Variants in ZNF423 observed in about 807,000 individuals in gnomAD.
ZNF423 encodes zinc finger protein 423.
A neutral mutation model predicts 95.8 loss-of-function variants in ZNF423; 12 were observed. The observed-to-expected ratio is 0.13, with a 90% confidence interval of 0.08 to 0.20. ZNF423 has a LOEUF of 0.20. ZNF423 is among the 10% of genes least tolerant of loss of function. The probability of loss-of-function intolerance (pLI) is 1.00; values close to 1 mark genes in which losing one functional copy is unlikely to be tolerated. For missense variants in ZNF423, 1,316 were observed against 1,737.1 expected (o/e 0.76, Z 4.31); for synonymous variants, 749 against 711.9 (o/e 1.05, Z -0.83).
intron 5 of ZNF423, among the ~76,000 whole-genome samples, chr16:49,532,902 T>C (rs1329870232): frequency 1.3e-5 from 2 of 152,184 alleles, no homozygotes; most frequent in Non-Finnish European, 2.9e-5. Flanking sequence ...ACATCGCATG[T>C]GCAAACGAAC....
At chr16:49,626,876 TCTACATA>T (rs1972297395) in intron 4 of ZNF423, among the ~76,000 whole-genome samples, 1 of 124,030 alleles carries the variant, frequency 8.1e-6, no homozygotes, top group Admixed American at 8.1e-5. Context: ...CATCCATCCA[TCTACATA>T]ATACCCACCC....
At chr16:49,594,439 C>T (rs1971118788) in intron 5 of ZNF423, among the ~76,000 whole-genome samples, 1 of 152,120 alleles carries the variant, frequency 6.6e-6, no homozygotes, top group Admixed American at 6.5e-5. Flanking sequence ...CACACACACA[C>T]AAGTGCATAC....
intron 7 of ZNF423, among the ~76,000 whole-genome samples, chr16:49,497,356 G>C (rs1323277119): frequency 6.6e-6 from 1 of 152,222 alleles, no homozygotes; most frequent in African/African-American, 2.4e-5. Flanking sequence ...CCCGTGAGGA[G>C]CTCACAATTT....
chr16:49,593,832 G>C (rs755766257), intron 5 of ZNF423, among the ~76,000 whole-genome samples: 2 of 152,136 alleles, frequency 1.3e-5, no homozygotes, highest in African/African-American at 4.8e-5. Context: ...GGGAGAGGGG[G>C]CCGCGGAGGC....
At chr16:49,606,108 G>C (rs925644351) in intron 5 of ZNF423, among the ~76,000 whole-genome samples, 7 of 152,184 alleles carry the variant, frequency 4.6e-5, no homozygotes, top group African/African-American at 4.8e-5. Context: ...CAAGAAGCAA[G>C]CAACTGTCAT....
At chr16:49,707,574 G>A (rs1333311615) in intron 3 of ZNF423, among the ~76,000 whole-genome samples, 1 of 145,318 alleles carries the variant, frequency 6.9e-6, no homozygotes, top group African/African-American at 2.6e-5. Context: ...CCGAGACCAC[G>A]CCATTGCACT....
intron 1 of ZNF423, chr16:49,854,659 GA>G (rs2035338598): frequency 1.0e-6 from 1 of 985,276 alleles, no homozygotes; most frequent in South Asian, 4.7e-5. Flanking sequence ...CTAGAATCGG[GA>G]CAAAGCAGCA....
Position 49,636,185 on chromosome 16 carries a change from G to C in ZNF423, c.2991C>G (p.Thr997=). The change falls in exon 4 of 8, where the codon ACC becomes ACG. Residue 997 remains threonine, a synonymous_variant. Coordinates refer to ENST00000563137, the MANE Select transcript of ZNF423 (RefSeq NM_001379286.1). The surrounding 1 kb of genome is among the most constrained non-coding windows in gnomAD (Gnocchi z 8.6). ...VTHSKSLDTG[T]CRICKMPLQS... The stretch of plus-strand genomic sequence containing the variant: ...GCAGGGGCATCTTGCAGATGCGACA[G>C]GTGCCCGTGTCCAGGCTCTTGCTGT... 1 of 1,613,574 alleles carries C rather than the reference G, an allele frequency of 6.2e-7. No individual in the cohort carries two copies. Among genetic ancestry groups the C allele is most frequent in the Non-Finnish European group, 8.5e-7 (1 of 1,180,028 alleles).
At chr16:49,648,698 C>A (rs1044865238) in intron 3 of ZNF423, among the ~76,000 whole-genome samples, 2 of 151,514 alleles carry the variant, frequency 1.3e-5, no homozygotes, top group Non-Finnish European at 2.9e-5. Flanking sequence ...GATTTACTTA[C>A]AAGAAAGCAT....
intron 2 of ZNF423, chr16:49,731,228 TG>T: frequency 2.7e-6 from 2 of 742,118 alleles, no homozygotes; most frequent in Non-Finnish European, 3.3e-6. Flanking sequence ...GCACGGATGC[TG>T]GGGGCCGTGA....
At chr16:49,606,477 G>T (rs908379842) in intron 5 of ZNF423, among the ~76,000 whole-genome samples, 3 of 152,178 alleles carry the variant, frequency 2.0e-5, no homozygotes, top group African/African-American at 7.2e-5. Flanking sequence ...GGTGCACCAG[G>T]GTCCCCACCA....
intron 2 of ZNF423, among the ~76,000 whole-genome samples, chr16:49,745,866 A>G (rs2143529632): frequency 6.6e-6 from 1 of 152,310 alleles, no homozygotes; most frequent in East Asian, 1.9e-4. Context: ...AGGACTCTCT[A>G]TGGGGAGCCC....
chr16:49,806,089 A>G (rs2034658825), intron 1 of ZNF423, among the ~76,000 whole-genome samples: 1 of 152,272 alleles, frequency 6.6e-6, no homozygotes, highest in Non-Finnish European at 1.5e-5. Flanking sequence ...TGGTCTCGTT[A>G]ACCAGAAACG....
chr16:49,555,267 G>A (rs1016121604), intron 5 of ZNF423, among the ~76,000 whole-genome samples: 1 of 152,200 alleles, frequency 6.6e-6, no homozygotes, highest in Non-Finnish European at 1.5e-5. Context: ...GAAGAAGCTG[G>A]GAAGGAACCT....
chr16:49,654,447 G>A (rs1183100179), intron 3 of ZNF423, among the ~76,000 whole-genome samples: 2 of 152,224 alleles, frequency 1.3e-5, no homozygotes, highest in South Asian at 2.1e-4. Flanking sequence ...CCCCAGGCAG[G>A]GGCATGGACA....
intron 5 of ZNF423, among the ~76,000 whole-genome samples, chr16:49,552,294 T>G (rs1969668803): frequency 6.6e-6 from 1 of 152,236 alleles, no homozygotes; most frequent in African/African-American, 2.4e-5. Flanking sequence ...TGCCCCTTTC[T>G]GAGCCTCAGT....
intron 7 of ZNF423, among the ~76,000 whole-genome samples, chr16:49,507,836 C>T (rs905233830): frequency 3.3e-5 from 5 of 152,220 alleles, no homozygotes; most frequent in Non-Finnish European, 7.3e-5. Flanking sequence ...GGGTTACAAA[C>T]TCACAGTGCA....
At position 49,730,738 on chromosome 16, in the gene ZNF423, A is replaced by T. The variant is rs533547652; in HGVS notation, c.301+33T>A. On this transcript the variant is annotated intron_variant, in intron 3 of 7. Coordinates refer to ENST00000563137, the MANE Select transcript of ZNF423 (RefSeq NM_001379286.1). ...GCTATGTCCAATTACCCGTGTAACCACCTGTCAGAGTCCTGGGGCTGTTTT... is the reference window on the plus strand; with the variant it reads ...GCTATGTCCAATTACCCGTGTAACCTCCTGTCAGAGTCCTGGGGCTGTTTT... 7 of 1,612,706 alleles carry T rather than the reference A, an allele frequency of 4.3e-6. No homozygotes were observed. The African/African-American group carries it at 8.0e-5, about 18-fold the overall frequency.
intron 3 of ZNF423, among the ~76,000 whole-genome samples, chr16:49,680,004 G>C (rs1012919063): frequency 6.6e-6 from 1 of 152,238 alleles, no homozygotes; most frequent in African/African-American, 2.4e-5. Context: ...CAACCTACCT[G>C]TGGAAAAGAG....
Sources: gnomAD v4.1 joint callset for allele counts (sites outside exome capture counted in the v4.1 genomes callset) on GRCh38, gnomAD v4.1.1 for gene constraint, Gnocchi (gnomAD v3.1) non-coding constraint, MANE v1.5 for transcripts, NCBI Gene and HGNC (gene_info 2026-07-23, HGNC 2026-07-21) for gene names.